EXOC6B: variants seen among roughly 807,000 people sequenced by gnomAD.
EXOC6B encodes exocyst complex component 6B, also known as SEC15 homolog B.
EXOC6B carries 54 observed loss-of-function variants against 113.5 expected under a neutral mutation model. The observed-to-expected ratio is 0.48, with a 90% CI of 0.38 to 0.60. EXOC6B has a LOEUF of 0.60. EXOC6B is among the 20% of genes least tolerant of loss of function. EXOC6B has a pLI of 0.00. For missense variants in EXOC6B, 797 were observed against 977.5 expected (o/e 0.82, Z 2.46); for synonymous variants, 357 against 339.0 (o/e 1.05, Z -0.58).
At chr2:72,438,275 T>G (rs897374143) in intron 18 of EXOC6B, among the ~76,000 whole-genome samples, 8 of 151,988 alleles carry the variant, frequency 5.3e-5, no homozygotes, top group Middle Eastern at 3.4e-3. Context: ...ATGTGATGAT[T>G]CTGAAGCTTG....
chr2:72,437,288 A>C (rs1695938794), intron 18 of EXOC6B, among the ~76,000 whole-genome samples: 1 of 152,192 alleles, frequency 6.6e-6, no homozygotes, highest in African/African-American at 2.4e-5. Flanking sequence ...CCAGAGGGGC[A>C]CCTGCCCAAT....
intron 20 of EXOC6B, among the ~76,000 whole-genome samples, chr2:72,327,884 T>G (rs1328781267): frequency 6.6e-6 from 1 of 152,128 alleles, no homozygotes; most frequent in Admixed American, 6.6e-5. Context: ...TACTAATGTC[T>G]CAAGCAAGGG....
chr2:72,426,317 T>C (rs13411428), intron 18 of EXOC6B, among the ~76,000 whole-genome samples: 2,476 of 152,330 alleles, frequency 0.016, 66 homozygotes, highest in African/African-American at 0.057. Context: ...TGATCTCTTA[T>C]CATAAAGCCT....
chr2:72,542,433 C>T (rs1702656428), intron 8 of EXOC6B, among the ~76,000 whole-genome samples: 1 of 152,198 alleles, frequency 6.6e-6, no homozygotes, highest in East Asian at 1.9e-4. Context: ...GAGTTTCTAG[C>T]ATTTCACCTC....
intron 18 of EXOC6B, among the ~76,000 whole-genome samples, chr2:72,383,053 T>G (rs1439837423): frequency 6.6e-6 from 1 of 152,140 alleles, no homozygotes; most frequent in African/African-American, 2.4e-5. Context: ...GAAGATAACT[T>G]AGTAAACACC....
At chr2:72,213,391 A>G (rs1680318955) in intron 20 of EXOC6B, among the ~76,000 whole-genome samples, 1 of 125,438 alleles carries the variant, frequency 8.0e-6, no homozygotes, top group South Asian at 2.4e-4. Flanking sequence ...GTAATAAAAA[A>G]TAAACAGGTG....
At chr2:72,697,809 T>C (rs1217654709) in intron 6 of EXOC6B, among the ~76,000 whole-genome samples, 1 of 152,190 alleles carries the variant, frequency 6.6e-6, no homozygotes, top group African/African-American at 2.4e-5. Context: ...TACTCCACCA[T>C]CCCACAATAT....
chr2:72,449,339 T>A (rs1469553229), intron 18 of EXOC6B, among the ~76,000 whole-genome samples: 1 of 151,976 alleles, frequency 6.6e-6, no homozygotes, highest in Admixed American at 6.6e-5. Context: ...CCCAGCTAAT[T>A]TTTTTGTATT....
At chr2:72,526,504 C>A (rs540747273) in intron 8 of EXOC6B, among the ~76,000 whole-genome samples, 1 of 151,996 alleles carries the variant, frequency 6.6e-6, no homozygotes, top group South Asian at 2.1e-4. Flanking sequence ...CATGGCTTCT[C>A]CCAGCATCTC....
chr2:72,777,506 T>C (rs933040710), intron 1 of EXOC6B, among the ~76,000 whole-genome samples: 1 of 151,894 alleles, frequency 6.6e-6, no homozygotes, highest in African/African-American at 2.4e-5. Flanking sequence ...AATTAAGATA[T>C]CCCCAGATAA....
chr2:72,471,249 G>T (rs1231919862), intron 17 of EXOC6B, among the ~76,000 whole-genome samples: 1 of 151,656 alleles, frequency 6.6e-6, no homozygotes, highest in African/African-American at 2.4e-5. Flanking sequence ...GTGTCTTTTG[G>T]CTGCATAAAT....
At chr2:72,300,791 C>T (rs544292353) in intron 20 of EXOC6B, among the ~76,000 whole-genome samples, 80 of 152,234 alleles carry the variant, frequency 5.3e-4, no homozygotes, top group South Asian at 1.9e-3. Flanking sequence ...GGAAATCCCC[C>T]GACCCCTTGC....
chr2:72,403,655 CT>C (rs1295786507), intron 18 of EXOC6B, among the ~76,000 whole-genome samples: 29 of 152,188 alleles, frequency 1.9e-4, no homozygotes, highest in Non-Finnish European at 2.4e-4. Context: ...GATTGTGCCA[CT>C]GTACTGCCCA....
rs181583043 is a variant in EXOC6B, at chr2:72,737,354, A to T, written c.279+3950T>A. Among the ~76,000 whole-genome samples the T allele has an allele frequency of 8.6e-4, 125 of 145,638 alleles. 1 individual carries two copies. In the East Asian group the frequency reaches 0.016, roughly 19 times the overall value. On this transcript the variant is annotated intron_variant, in intron 2 of 21. Coordinates refer to ENST00000272427, the MANE Select transcript of EXOC6B (RefSeq NM_015189.3). The stretch of plus-strand genomic sequence containing the variant: ...GTGAGACTCTGCCTCAAAAAAAATT[A>T]AAAAAAAAAAAGTTCTTTAATATAC...
intron 19 of EXOC6B, among the ~76,000 whole-genome samples, chr2:72,360,930 CAAA>C (rs3063329): frequency 5.5e-5 from 5 of 91,150 alleles, no homozygotes; most frequent in Non-Finnish European, 2.3e-5. Flanking sequence ...GACTCCATCT[CAAA>C]AAAAAAAAAA....
chr2:72,783,295 T>C (rs556834200), intron 1 of EXOC6B, among the ~76,000 whole-genome samples: 6 of 150,242 alleles, frequency 4.0e-5, no homozygotes, highest in African/African-American at 1.5e-4. Context: ...TTAATATACC[T>C]GTTGGTCACT....
intron 8 of EXOC6B, among the ~76,000 whole-genome samples, chr2:72,532,412 T>C (rs1702056567): frequency 6.6e-6 from 1 of 152,196 alleles, no homozygotes; most frequent in South Asian, 2.1e-4. Context: ...TGCAAAGTTT[T>C]GACTTTTCTG....
At chr2:72,370,926 C>CCATT (rs1690967254) in intron 19 of EXOC6B, among the ~76,000 whole-genome samples, 3 of 151,486 alleles carry the variant, frequency 2.0e-5, no homozygotes, top group Admixed American at 1.3e-4. Context: ...TGCAGCACAC[C>CCATT]AACATGGCAC....
intron 7 of EXOC6B, among the ~76,000 whole-genome samples, chr2:72,561,635 T>A (rs1164256292): frequency 1.3e-5 from 2 of 152,090 alleles, no homozygotes; most frequent in African/African-American, 2.4e-5. Context: ...AAATCTGTGA[T>A]AAATAAGCTA....
Sources: allele counts gnomAD v4.1 joint callset (sites outside exome capture counted in the v4.1 genomes callset), GRCh38; gene constraint gnomAD v4.1.1; transcripts MANE v1.5; gene names NCBI Gene and HGNC (gene_info 2026-07-23, HGNC 2026-07-21).